The following CHSY3 variants were observed in gnomAD, a reference collection of about 807,000 sequenced individuals.
CHSY3 encodes the protein N-acetylgalactosaminyl-proteoglycan 3-beta-glucuronosyltransferase 3.
CHSY3 carries 35 observed loss-of-function variants against 67.2 expected under a neutral mutation model. That is an observed-to-expected ratio of 0.52 (90% CI 0.40 to 0.69). The LOEUF (loss-of-function observed/expected upper bound fraction) is 0.69, where lower values mean the gene tolerates loss of function less well. CHSY3 is among the 30% of genes least tolerant of loss of function. The pLI, the probability that CHSY3 is intolerant of heterozygous loss-of-function variation, is 0.00. For missense variants in CHSY3, 1,069 were observed against 1,138.5 expected, an observed-to-expected ratio of 0.94 and a Z score of 0.88; for synonymous variants, 474 against 434.7, an observed-to-expected ratio of 1.09 and a Z score of -1.12.
Position 130,185,797 on chromosome 5 carries a change from C to T in CHSY3, c.*6C>T, listed in dbSNP as rs1770402533. On this transcript the variant is annotated 3_prime_UTR_variant, in exon 3 of 3. Transcript: ENST00000305031. ...ACAATCGAACTCTCTCCTGACAGTC[C>T]AGGCAACACATTTTGCCTTTTTTAA... 1 of 1,537,602 alleles carries T rather than the reference C, an allele frequency of 6.5e-7. No homozygotes were observed. The highest frequency in any genetic ancestry group is 8.7e-7 in the Non-Finnish European group (1 of 1,142,994).
intron 2 of CHSY3, among the ~76,000 whole-genome samples, chr5:130,012,759 G>C (rs1764104573): frequency 6.6e-6 from 1 of 152,056 alleles, no homozygotes; most frequent in Non-Finnish European, 1.5e-5. Context: ...TGAGATTTGG[G>C]TGGGGGCACA....
intron 2 of CHSY3, among the ~76,000 whole-genome samples, chr5:130,000,802 C>G (rs186832362): frequency 2.4e-5 from 3 of 124,120 alleles, no homozygotes; most frequent in Admixed American, 2.0e-4. Context: ...GGTCTGAACT[C>G]CTGGGCTTAA....
intron 2 of CHSY3, among the ~76,000 whole-genome samples, chr5:130,147,816 A>G (rs1769115647): frequency 6.6e-6 from 1 of 152,036 alleles, no homozygotes; most frequent in African/African-American, 2.4e-5. Flanking sequence ...ATTTTATTTC[A>G]TTTTTTGCTT....
intron 2 of CHSY3, among the ~76,000 whole-genome samples, chr5:130,090,650 G>A (rs1278631155): frequency 6.6e-6 from 1 of 152,076 alleles, no homozygotes; most frequent in African/African-American, 2.4e-5. Context: ...GTATCACGTT[G>A]TTGCATTACT....
At position 129,962,826 on chromosome 5, in the gene CHSY3, A is replaced by G. The variant is rs369024971; in HGVS notation, c.1086+54466A>G. 1.2e-4 allele frequency among the ~76,000 whole-genome samples: 19 copies of G among 152,112 alleles called. No individual in the cohort carries two copies. The East Asian group carries it at 1.4e-3, about 11-fold the overall frequency. On this transcript the variant is annotated intron_variant, in intron 2 of 2. Transcript: ENST00000305031. ...TTCAAATGATAACTCCAGCAGAAAGAGCAGAATTATCATCCAGAAGAGCCA... is the reference window on the plus strand; with the variant it reads ...TTCAAATGATAACTCCAGCAGAAAGGGCAGAATTATCATCCAGAAGAGCCA...
chr5:130,001,590 T>C, intron 2 of CHSY3: 11 of 831,468 alleles, frequency 1.3e-5, no homozygotes, highest in Non-Finnish European at 1.5e-5. Context: ...AGAATAGTAC[T>C]ACATGAGCAT....
chr5:129,926,115 G>A (rs1222708068), intron 2 of CHSY3, among the ~76,000 whole-genome samples: 2 of 151,928 alleles, frequency 1.3e-5, no homozygotes, highest in South Asian at 2.1e-4. Flanking sequence ...TTCTGAATTA[G>A]GATTACAAAA....
At chr5:130,037,543 CA>C (rs1339916023) in intron 2 of CHSY3, among the ~76,000 whole-genome samples, 1 of 152,004 alleles carries the variant, frequency 6.6e-6, no homozygotes, top group African/African-American at 2.4e-5. Context: ...GTAGTTTGAA[CA>C]TACTATGGCC....
intron 2 of CHSY3, among the ~76,000 whole-genome samples, chr5:130,010,279 A>G (rs748506930): frequency 1.3e-5 from 2 of 152,216 alleles, no homozygotes; most frequent in Non-Finnish European, 2.9e-5. Flanking sequence ...TATACCAGCC[A>G]TACTCTTGGA....
intron 2 of CHSY3, among the ~76,000 whole-genome samples, chr5:130,057,294 A>G (rs1389200321): frequency 2.6e-5 from 4 of 152,208 alleles, no homozygotes; most frequent in African/African-American, 4.8e-5. Context: ...TGGACTATAT[A>G]AAGTGAAATT....
chr5:129,979,115 G>T (rs1011886440), intron 2 of CHSY3, among the ~76,000 whole-genome samples: 2 of 144,888 alleles, frequency 1.4e-5, no homozygotes, highest in Non-Finnish European at 3.0e-5. Context: ...CAGGAGAATA[G>T]CGTGAACCTG....
At chr5:130,168,308 T>G (rs1334828457) in intron 2 of CHSY3, among the ~76,000 whole-genome samples, 1 of 152,098 alleles carries the variant, frequency 6.6e-6, no homozygotes, top group Non-Finnish European at 1.5e-5. Context: ...TAGAATCAGT[T>G]TAGACTCCTA....
At chr5:130,062,568 C>A (rs1004210298) in intron 2 of CHSY3, among the ~76,000 whole-genome samples, 2 of 152,046 alleles carry the variant, frequency 1.3e-5, no homozygotes, top group Non-Finnish European at 2.9e-5. Flanking sequence ...TTTTTTTTGA[C>A]TGAACTTGTT....
At chr5:129,962,773 T>C (rs1429269053) in intron 2 of CHSY3, among the ~76,000 whole-genome samples, 1 of 151,994 alleles carries the variant, frequency 6.6e-6, no homozygotes, top group Non-Finnish European at 1.5e-5. Flanking sequence ...ATTAACTTGA[T>C]GGCTGAATTC....
intron 2 of CHSY3, among the ~76,000 whole-genome samples, chr5:130,053,591 T>C (rs1765434596): frequency 6.6e-6 from 1 of 152,200 alleles, no homozygotes; most frequent in African/African-American, 2.4e-5. Flanking sequence ...GACTTGTATG[T>C]GATACCCTTA....
chr5:129,962,545 A>C (rs1206293628), intron 2 of CHSY3, among the ~76,000 whole-genome samples: 1 of 151,948 alleles, frequency 6.6e-6, no homozygotes, highest in African/African-American at 2.4e-5. Flanking sequence ...AAAACTATTT[A>C]GTTGTTTCCC....
chr5:130,102,767 T>G (rs1181501035), intron 2 of CHSY3, among the ~76,000 whole-genome samples: 2 of 152,104 alleles, frequency 1.3e-5, no homozygotes, highest in Non-Finnish European at 2.9e-5. Context: ...GGCCTGGTTG[T>G]CGAGAAGAAT....
intron 2 of CHSY3, among the ~76,000 whole-genome samples, chr5:130,061,892 C>CAAA (rs145716348): frequency 1.4e-4 from 20 of 142,652 alleles, no homozygotes; most frequent in African/African-American, 5.1e-4. Context: ...ATTAAAAAGT[C>CAAA]AAAAAAAAAA....
intron 2 of CHSY3, among the ~76,000 whole-genome samples, chr5:129,991,474 T>C (rs1006737755): frequency 1.3e-5 from 2 of 152,164 alleles, no homozygotes; most frequent in African/African-American, 2.4e-5. Flanking sequence ...TTATTTGTTC[T>C]TTTTATAAAG....
Sources: gnomAD v4.1 joint callset for allele counts (sites outside exome capture counted in the v4.1 genomes callset) on GRCh38, gnomAD v4.1.1 for gene constraint, MANE v1.5 for transcripts, NCBI Gene and HGNC (gene_info 2026-07-23, HGNC 2026-07-21) for gene names.